The following CFAP54 variants were observed in gnomAD, a reference collection of about 807,000 sequenced individuals.
The protein encoded by CFAP54 is cilia- and flagella-associated protein 54.
A neutral mutation model predicts 370.4 loss-of-function variants in CFAP54; 290 were observed. The observed-to-expected ratio is 0.78, with a 90% CI of 0.71 to 0.86. The LOEUF is 0.86. Among genes scored for constraint, CFAP54 ranks in the 40% least tolerant of loss-of-function variants. CFAP54 has a pLI of 0.00. For synonymous variants in CFAP54, 1,206 were observed against 1,236.5 expected (o/e 0.98, Z 0.52); for missense variants, 3,399 against 3,528.7 (o/e 0.96, Z 0.93).
At position 96,544,410 on chromosome 12, in the gene CFAP54, A is replaced by ATCTC. The variant is rs71068815; in HGVS notation, c.2077+3453_2077+3456dup. Among the ~76,000 whole-genome samples, 1,428 of 148,098 alleles carry ATCTC rather than the reference A, an allele frequency of 9.6e-3. 11 individuals are homozygous for ATCTC. The highest frequency in any genetic ancestry group is 0.014 in the Non-Finnish European group (946 of 67,044). ...CGAAGCAGTCCTCAGAAAACAGAAT[A>ATCTC]TCTCTCTCTCTCTCTCTCTCTCTCT... On this transcript the variant is annotated intron_variant, in intron 14 of 67. Coordinates refer to ENST00000524981, the MANE Select transcript of CFAP54 (RefSeq NM_001306084.2).
chr12:96,561,740 CACACACAT>C (rs1211414758), intron 17 of CFAP54, among the ~76,000 whole-genome samples: 3 of 96,604 alleles, frequency 3.1e-5, no homozygotes, highest in African/African-American at 8.4e-5. Flanking sequence ...CACACACACA[CACACACAT>C]GTATATATAT....
At chr12:96,868,827 C>T (rs1960075910) in intron 67 of CFAP54, among the ~76,000 whole-genome samples, 1 of 151,962 alleles carries the variant, frequency 6.6e-6, no homozygotes, top group Non-Finnish European at 1.5e-5. Flanking sequence ...TGTATGCTTT[C>T]CTGCAGCACT....
At chr12:96,857,765 G>A (rs376119815) in intron 66 of CFAP54, among the ~76,000 whole-genome samples, 3 of 152,162 alleles carry the variant, frequency 2.0e-5, no homozygotes, top group South Asian at 4.2e-4. Flanking sequence ...CTCCCACCCC[G>A]CGAAGAGGGT....
At chr12:96,677,644 T>C (rs1478201496) in intron 39 of CFAP54, among the ~76,000 whole-genome samples, 2 of 152,014 alleles carry the variant, frequency 1.3e-5, no homozygotes, top group Non-Finnish European at 2.9e-5. Flanking sequence ...CTGAAACTGG[T>C]AAGGAAGAAG....
chr12:96,855,612 T>G (rs1209162777), intron 66 of CFAP54, among the ~76,000 whole-genome samples: 1 of 152,214 alleles, frequency 6.6e-6, no homozygotes, highest in Non-Finnish European at 1.5e-5. Flanking sequence ...CAAAATGATC[T>G]CCTTTGACTC....
intron 48 of CFAP54, among the ~76,000 whole-genome samples, chr12:96,711,812 T>C (rs971593878): frequency 6.6e-6 from 1 of 152,214 alleles, no homozygotes; most frequent in African/African-American, 2.4e-5. Flanking sequence ...TCCTGAACAA[T>C]GTGTTTTTGA....
At position 96,739,947 on chromosome 12, in the gene CFAP54, C is replaced by T; in HGVS notation, c.6966-9C>T. 2 of 1,382,842 alleles carry T rather than the reference C, an allele frequency of 1.4e-6. No individual in the cohort carries two copies. The highest frequency in any genetic ancestry group is 2.0e-6 in the Non-Finnish European group (2 of 989,770). The allele number at this position is 1,382,842 out of a possible 1,614,324, so 85.7% of individuals were successfully genotyped here. On this transcript the variant is annotated splice_polypyrimidine_tract_variant and intron_variant, in intron 50 of 67. Coordinates refer to ENST00000524981, the MANE Select transcript of CFAP54 (RefSeq NM_001306084.2). ...ACTGATAACATTTAAAATATATTTT[C>T]TATTTTAGTGCTGCAATAGTATTTT...
chr12:96,667,035 A>T (rs1013665674), intron 39 of CFAP54, among the ~76,000 whole-genome samples: 12 of 152,308 alleles, frequency 7.9e-5, no homozygotes, highest in Admixed American at 2.0e-4. Context: ...AAATCCAATA[A>T]GGCAGTCATT....
At chr12:96,753,461 A>G (rs916008493) in intron 55 of CFAP54, among the ~76,000 whole-genome samples, 2 of 152,222 alleles carry the variant, frequency 1.3e-5, no homozygotes, top group Non-Finnish European at 2.9e-5. Context: ...GAGCATTGTG[A>G]ATTTTAGAAG....
intron 19 of CFAP54, chr12:96,572,969 T>C: frequency 2.0e-6 from 2 of 985,394 alleles, no homozygotes; most frequent in Non-Finnish European, 2.4e-6. Context: ...GTTCAATTGG[T>C]TCACTGAATC....
rs146814351 is a variant in CFAP54 at position 96,811,891 on chromosome 12, G to A, written c.8957+49G>A. ...AATTGTCTTTGTTGTTATCTCTCAC[G>A]AGAATAGACTCTTTCAGTAATTGGC... On this transcript the variant is annotated intron_variant, in intron 64 of 67. Coordinates refer to ENST00000524981, the MANE Select transcript of CFAP54 (RefSeq NM_001306084.2). 2.7e-4 allele frequency: 298 copies of A among 1,115,760 alleles called. No individual in the cohort carries two copies. In the African/African-American group the frequency reaches 4.1e-3, roughly 15 times the overall value. The allele number at this position is 1,115,760 out of a possible 1,614,324, so 69.1% of individuals were successfully genotyped here.
In CFAP54 at chr12:96,863,173, AT is replaced by A. The variant is rs1320050588; in HGVS notation, c.*14+2222del. Among the ~76,000 whole-genome samples, 12 of 151,880 alleles carry A rather than the reference AT, an allele frequency of 7.9e-5. No individual in the cohort carries two copies. In the East Asian group the frequency reaches 1.9e-3, roughly 25 times the overall value. On this transcript the variant is annotated intron_variant, in intron 67 of 67. Coordinates refer to ENST00000524981, the MANE Select transcript of CFAP54 (RefSeq NM_001306084.2). ...ATTTGTTGGATGGATGGATGGATGG[AT>A]GGATGGATGGATGGATGGATGGATA...
intron 64 of CFAP54, among the ~76,000 whole-genome samples, chr12:96,817,085 T>G (rs1042406120): frequency 6.6e-6 from 1 of 152,240 alleles, no homozygotes; most frequent in African/African-American, 2.4e-5. Flanking sequence ...GGTCAGCGGA[T>G]AGTCAGAGCA....
chr12:96,753,612 GC>G (rs1958215369), intron 55 of CFAP54, 130 bp from the exon 56 acceptor site: 3 of 819,712 alleles, frequency 3.7e-6, no homozygotes, highest in Non-Finnish European at 5.6e-6. Context: ...TTTCTTGGAT[GC>G]TAAAAACTGT....
At position 96,684,694 on chromosome 12, in the gene CFAP54, G is replaced by T. The variant is rs1403555289; in HGVS notation, c.5763G>T (p.Leu1921Phe). ...SNQRSLKVQA[L>F]HSLGSLLIFA... ...AAAGAAGTCTTAAAGTTCAGGCGTT[G>T]CATTCACTTGGAAGTCTTCTCATCT... The change falls in exon 41 of 68, where the codon TTG becomes TTT. Residue 1921 changes from leucine (L) to phenylalanine (F), a missense_variant. Physicochemically the swap from Leu to Phe is conservative, Grantham distance 22. Around this residue, in one of 3 missense-constraint regions of CFAP54, gnomAD observed 2,796 missense variants for 2,869.7 expected, o/e 0.97. Coordinates refer to ENST00000524981, the MANE Select transcript of CFAP54 (RefSeq NM_001306084.2). The T allele has an allele frequency of 1.2e-6, 2 of 1,613,274 alleles. No individual in the cohort carries two copies. Among genetic ancestry groups the T allele is most frequent in the Admixed American group, 1.7e-5 (1 of 59,892 alleles).
intron 67 of CFAP54, among the ~76,000 whole-genome samples, chr12:96,869,282 A>G (rs567230413): frequency 6.6e-6 from 1 of 152,326 alleles, no homozygotes; most frequent in East Asian, 1.9e-4. Context: ...TTTTTCAAAT[A>G]TATTTTGGGT....
intron 14 of CFAP54, among the ~76,000 whole-genome samples, chr12:96,544,909 CTTTTTTT>C (rs769543854): frequency 7.0e-6 from 1 of 142,324 alleles, no homozygotes; most frequent in African/African-American, 2.6e-5. Context: ...TCTTCCTTTT[CTTTTTTT>C]TTTTTTTCCC....
intron 36 of CFAP54, among the ~76,000 whole-genome samples, chr12:96,655,823 T>C (rs1313362680): frequency 6.6e-6 from 1 of 152,168 alleles, no homozygotes; most frequent in African/African-American, 2.4e-5. Context: ...ATGTAAACAC[T>C]CTTCAGTATA....
intron 50 of CFAP54, among the ~76,000 whole-genome samples, chr12:96,725,459 A>G (rs1346358522): frequency 6.6e-6 from 1 of 152,076 alleles, no homozygotes; most frequent in Non-Finnish European, 1.5e-5. Flanking sequence ...GAGTTCACTC[A>G]TGATTTGGCT....
Sources: gnomAD v4.1 joint callset for allele counts (sites outside exome capture counted in the v4.1 genomes callset) on GRCh38, gnomAD v4.1.1 for gene constraint, gnomAD v4.1.1 regional missense constraint, MANE v1.5 for transcripts, NCBI Gene and HGNC (gene_info 2026-07-23, HGNC 2026-07-21) for gene names.